The following TAMM41 variants were observed in gnomAD, a reference collection of about 807,000 sequenced individuals.
TAMM41 encodes TAM41 mitochondrial translocator assembly and maintenance homolog.
Under a neutral mutation model 44.1 loss-of-function variants are expected in TAMM41, and 36 were observed. The ratio of observed to expected loss-of-function variants is 0.82; its 90% confidence interval spans 0.63 to 1.08. The LOEUF (loss-of-function observed/expected upper bound fraction) is 1.08, where lower values mean the gene tolerates loss of function less well. Among genes scored for constraint, TAMM41 ranks in the 50% least tolerant of loss-of-function variants. TAMM41 has a pLI of 0.00. For synonymous variants in TAMM41, 164 were observed against 153.1 expected (o/e 1.07, Z -0.53); for missense variants, 417 against 404.3 (o/e 1.03, Z -0.27).
chr3:11,738,581 G>A, the TAMM41 span, among the ~76,000 whole-genome samples: 5 of 152,226 alleles, frequency 3.3e-5, no homozygotes, highest in East Asian at 5.8e-4. Flanking sequence ...CGACCTTTTA[G>A]GGCTGTGCTC....
the TAMM41 span, among the ~76,000 whole-genome samples, chr3:11,739,723 AG>A: frequency 6.6e-6 from 1 of 151,752 alleles, no homozygotes; most frequent in South Asian, 2.1e-4. Flanking sequence ...TGGAGCAAAA[AG>A]ATGAGTGAGG....
the TAMM41 span, among the ~76,000 whole-genome samples, chr3:11,750,069 T>C: frequency 2.7e-5 from 4 of 150,938 alleles, no homozygotes; most frequent in South Asian, 2.1e-4. Flanking sequence ...GCTAATTTTT[T>C]GTATTTTTAG....
At chr3:11,750,955 T>C in the TAMM41 span, among the ~76,000 whole-genome samples, 1 of 149,168 alleles carries the variant, frequency 6.7e-6, no homozygotes, top group Non-Finnish European at 1.5e-5. Context: ...AGTGCCAGGC[T>C]GGATAATGTC....
At chr3:11,795,367 A>G (rs768022112) in intron 7 of TAMM41, among the ~76,000 whole-genome samples, 3 of 152,158 alleles carry the variant, frequency 2.0e-5, no homozygotes, top group Non-Finnish European at 2.9e-5. Context: ...CCTGGGAGTT[A>G]GTTCTGACTC....
the TAMM41 span, among the ~76,000 whole-genome samples, chr3:11,747,067 CTTTA>C: frequency 1.3e-5 from 2 of 152,000 alleles, no homozygotes; most frequent in Non-Finnish European, 2.9e-5. Flanking sequence ...TGTGGTAGAA[CTTTA>C]TTTATTTATA....
chr3:11,820,038 C>T (rs2078451092), intron 4 of TAMM41, among the ~76,000 whole-genome samples: 1 of 152,022 alleles, frequency 6.6e-6, no homozygotes, highest in Admixed American at 6.6e-5. Flanking sequence ...TAATTTCCCC[C>T]CATTTCCCTC....
At chr3:11,826,253 G>A (rs1320882960) in intron 4 of TAMM41, among the ~76,000 whole-genome samples, 2 of 152,168 alleles carry the variant, frequency 1.3e-5, no homozygotes, top group Non-Finnish European at 2.9e-5. Flanking sequence ...GCTGGAGGCA[G>A]CCAGGCGCAG....
At chr3:11,754,610 C>T in the TAMM41 span, among the ~76,000 whole-genome samples, 1 of 151,840 alleles carries the variant, frequency 6.6e-6, no homozygotes, top group Non-Finnish European at 1.5e-5. Flanking sequence ...CTTAAAAGAT[C>T]CTCCTGCCTT....
chr3:11,777,575 T>C, the TAMM41 span, among the ~76,000 whole-genome samples: 1 of 152,148 alleles, frequency 6.6e-6, no homozygotes, highest in Non-Finnish European at 1.5e-5. Flanking sequence ...AGGTGGATCA[T>C]TTGCGATCCA....
intron 7 of TAMM41, among the ~76,000 whole-genome samples, chr3:11,804,978 G>T (rs937655653): frequency 2.1e-4 from 31 of 144,662 alleles, no homozygotes; most frequent in Admixed American, 1.4e-4. Flanking sequence ...CTACGGGCGC[G>T]CACCACCACG....
At chr3:11,759,190 T>A in the TAMM41 span, among the ~76,000 whole-genome samples, 7 of 152,112 alleles carry the variant, frequency 4.6e-5, no homozygotes, top group African/African-American at 1.7e-4. Flanking sequence ...AAAAAAAATT[T>A]GTCAGAGACC....
In TAMM41 at chr3:11,846,547, G is replaced by A. The variant is rs200878608; in HGVS notation, c.90C>T (p.Tyr30=). ...FPEELSLAFV[Y]GSGVYRQAGP... ...CTGCCTGGCGGTACACCCCGGAGCC[G>A]TAGACGAAAGCCAGACTCAGCTCCT... The change falls in exon 1 of 8, where the codon TAC becomes TAT. Residue 30 remains tyrosine, a synonymous_variant. Transcript: ENST00000455809. The A allele has an allele frequency of 3.1e-6, 5 of 1,614,220 alleles. No individual in the cohort carries two copies. Among genetic ancestry groups the A allele is most frequent in the East Asian group, 2.2e-5 (1 of 44,876 alleles).
At chr3:11,804,018 C>T (rs148721800) in intron 7 of TAMM41, among the ~76,000 whole-genome samples, 3 of 152,128 alleles carry the variant, frequency 2.0e-5, no homozygotes, top group African/African-American at 7.2e-5. Flanking sequence ...CACTAAAAGC[C>T]CAGACTTCAC....
chr3:11,777,381 G>T, the TAMM41 span, among the ~76,000 whole-genome samples: 6 of 152,216 alleles, frequency 3.9e-5, no homozygotes, highest in Admixed American at 3.9e-4. Flanking sequence ...AGGAGTTGAG[G>T]TACTACTAAA....
intron 1 of TAMM41, among the ~76,000 whole-genome samples, chr3:11,845,850 GT>G (rs2079659609): frequency 6.6e-6 from 1 of 152,204 alleles, no homozygotes; most frequent in Admixed American, 6.5e-5. Context: ...ACTCTGAAAA[GT>G]AACAATGCCT....
chr3:11,815,480 T>C (rs1021007232), intron 5 of TAMM41, among the ~76,000 whole-genome samples: 5 of 151,946 alleles, frequency 3.3e-5, no homozygotes, highest in Non-Finnish European at 1.5e-5. Context: ...ACTGAAAAAA[T>C]AAGACAACTA....
the TAMM41 span, among the ~76,000 whole-genome samples, chr3:11,748,541 G>T: frequency 4.6e-5 from 7 of 151,906 alleles, no homozygotes; most frequent in Non-Finnish European, 1.0e-4. Flanking sequence ...GCCATGGCTG[G>T]CTAACTCTTT....
the TAMM41 span, among the ~76,000 whole-genome samples, chr3:11,737,284 CATTATT>C: frequency 0.095 from 12,504 of 131,516 alleles, 670 homozygotes; most frequent in Middle Eastern, 0.12. Flanking sequence ...TGTTGGCTTA[CATTATT>C]ATTATTATTA....
the TAMM41 span, among the ~76,000 whole-genome samples, chr3:11,741,058 A>G: frequency 6.8e-6 from 1 of 146,200 alleles, no homozygotes; most frequent in East Asian, 2.0e-4. Context: ...GCCTCTACTA[A>G]AAATACAAAA....
Sources: gnomAD v4.1 joint callset for allele counts (sites outside exome capture counted in the v4.1 genomes callset) on GRCh38, gnomAD v4.1.1 for gene constraint, MANE v1.5 for transcripts, NCBI Gene and HGNC (gene_info 2026-07-23, HGNC 2026-07-21) for gene names.